The following RNLS variants were observed in gnomAD, a reference collection of about 807,000 sequenced individuals.
The protein encoded by RNLS is renalase.
In RNLS, 39 loss-of-function variants were observed where a neutral mutation model predicts 39.8. That is an observed-to-expected ratio of 0.98 (90% CI 0.76 to 1.28). The LOEUF (loss-of-function observed/expected upper bound fraction) is 1.28, where lower values mean the gene tolerates loss of function less well. RNLS is among the 50% of genes most tolerant of loss of function. The pLI is 0.00. For missense variants in RNLS, 410 were observed against 413.3 expected (o/e 0.99, Z 0.07); for synonymous variants, 147 against 150.7 (o/e 0.98, Z 0.18).
intron 4 of RNLS, among the ~76,000 whole-genome samples, chr10:88,531,270 A>T (rs1413250046): frequency 2.6e-5 from 4 of 151,970 alleles, no homozygotes; most frequent in African/African-American, 9.7e-5. Flanking sequence ...GCTAGGCAAC[A>T]AAGAGAAACA....
At chr10:88,211,153 G>A in the RNLS span, among the ~76,000 whole-genome samples, 4 of 151,886 alleles carry the variant, frequency 2.6e-5, no homozygotes, top group East Asian at 1.9e-4. Context: ...CGATTTCATC[G>A]TCCCATGTTT....
At chr10:88,557,170 G>A (rs1041811693) in intron 4 of RNLS, among the ~76,000 whole-genome samples, 4 of 152,126 alleles carry the variant, frequency 2.6e-5, no homozygotes, top group Non-Finnish European at 4.4e-5. Flanking sequence ...CATTTGGCAA[G>A]TAAAATTATA....
At chr10:88,574,122 C>T (rs1850019636) in intron 3 of RNLS, among the ~76,000 whole-genome samples, 1 of 152,094 alleles carries the variant, frequency 6.6e-6, no homozygotes, top group African/African-American at 2.4e-5. Context: ...GCCTAGGCAA[C>T]ATAACAAATA....
chr10:88,181,324 A>C, the RNLS span, among the ~76,000 whole-genome samples: 1 of 152,112 alleles, frequency 6.6e-6, no homozygotes, highest in Non-Finnish European at 1.5e-5. Context: ...ACAGGGGCCT[A>C]TTCTTCCCTA....
intron 4 of RNLS, among the ~76,000 whole-genome samples, chr10:88,427,547 A>C (rs1011101350): frequency 3.3e-5 from 5 of 152,010 alleles, no homozygotes; most frequent in Admixed American, 6.6e-5. Flanking sequence ...TGAAAATCAT[A>C]TCTCTTTTCA....
chr10:88,499,108 A>G (rs1439956470), intron 4 of RNLS, among the ~76,000 whole-genome samples: 1 of 152,146 alleles, frequency 6.6e-6, no homozygotes, highest in Non-Finnish European at 1.5e-5. Flanking sequence ...TTAGTCTTAG[A>G]AGATCAGTGC....
chr10:88,266,252 T>G, the RNLS span, among the ~76,000 whole-genome samples: 1,662 of 152,236 alleles, frequency 0.011, 29 homozygotes, highest in African/African-American at 0.035. Flanking sequence ...CAGGCTCCCC[T>G]GAGAAGATGA....
At chr10:88,423,882 A>G (rs1854553421) in intron 4 of RNLS, among the ~76,000 whole-genome samples, 1 of 152,200 alleles carries the variant, frequency 6.6e-6, no homozygotes, top group African/African-American at 2.4e-5. Flanking sequence ...TTGTGGGGTC[A>G]AGAGCACAGC....
chr10:88,534,255 G>A (rs566243262), intron 4 of RNLS, among the ~76,000 whole-genome samples: 40 of 152,162 alleles, frequency 2.6e-4, no homozygotes, highest in African/African-American at 8.9e-4. Context: ...ATGTAACATA[G>A]AAGCCCTGAA....
downstream of RNLS, among the ~76,000 whole-genome samples, chr10:88,269,993 G>A (rs1427238041): frequency 6.6e-6 from 1 of 152,128 alleles, no homozygotes. Context: ...GACTCCAGGC[G>A]TGCGTGACCA....
intron 4 of RNLS, among the ~76,000 whole-genome samples, chr10:88,467,847 T>C (rs1170312804): frequency 6.6e-6 from 1 of 152,080 alleles, no homozygotes; most frequent in South Asian, 2.1e-4. Flanking sequence ...TGGAGGCTTA[T>C]TAGAAAGGTA....
the RNLS span, among the ~76,000 whole-genome samples, chr10:88,224,200 C>T: frequency 6.6e-6 from 1 of 152,064 alleles, no homozygotes; most frequent in Non-Finnish European, 1.5e-5. Context: ...AGTCTAAGAT[C>T]AAGGTGGCGG....
At chr10:88,453,705 C>T (rs10509548) in intron 4 of RNLS, among the ~76,000 whole-genome samples, 28,324 of 152,154 alleles carry the variant, frequency 0.19, 3,028 homozygotes, top group Non-Finnish European at 0.26. Context: ...CTTCTACTCT[C>T]GTAACAAAGC....
At chr10:88,321,678 C>T (rs1441900203) in intron 5 of RNLS, among the ~76,000 whole-genome samples, 1 of 152,002 alleles carries the variant, frequency 6.6e-6, no homozygotes, top group Non-Finnish European at 1.5e-5. Context: ...TCTCTATGCA[C>T]ACCACCTAGA....
intron 4 of RNLS, among the ~76,000 whole-genome samples, chr10:88,444,267 G>A (rs911763185): frequency 6.6e-6 from 1 of 152,184 alleles, no homozygotes; most frequent in Non-Finnish European, 1.5e-5. Flanking sequence ...GGTCCTGACT[G>A]TTAGAAGGAA....
chr10:88,363,967 A>C (rs1354818010), intron 4 of RNLS, among the ~76,000 whole-genome samples: 1 of 152,188 alleles, frequency 6.6e-6, no homozygotes, highest in Non-Finnish European at 1.5e-5. Flanking sequence ...ATAGATAGAA[A>C]AAATATTTAG....
chr10:88,422,355 T>C (rs1854458404), intron 4 of RNLS, among the ~76,000 whole-genome samples: 1 of 152,208 alleles, frequency 6.6e-6, no homozygotes, highest in African/African-American at 2.4e-5. Context: ...TCCCAAGTTA[T>C]ATATAACACT....
At chr10:88,190,826 T>C in the RNLS span, among the ~76,000 whole-genome samples, 1 of 152,192 alleles carries the variant, frequency 6.6e-6, no homozygotes, top group East Asian at 1.9e-4. Flanking sequence ...GCTTTCCTCT[T>C]GGGGATCAAC....
At chr10:88,199,262 AGAGTT>A in the RNLS span, among the ~76,000 whole-genome samples, 5 of 152,160 alleles carry the variant, frequency 3.3e-5, no homozygotes. Flanking sequence ...AGATTTAAGA[AGAGTT>A]GAGAATCTGA....
Sources: allele counts gnomAD v4.1 joint callset (sites outside exome capture counted in the v4.1 genomes callset), GRCh38; gene constraint gnomAD v4.1.1; transcripts MANE v1.5; gene names NCBI Gene and HGNC (gene_info 2026-07-23, HGNC 2026-07-21).